Variants in TEAD1 observed in about 807,000 individuals in gnomAD.
TEAD1 encodes the protein TEA domain transcription factor 1, also known as transcriptional enhancer factor TEF-1.
Under a neutral mutation model 54.9 loss-of-function variants are expected in TEAD1, and 9 were observed. The observed-to-expected ratio is 0.16, with a 90% confidence interval of 0.10 to 0.29. The LOEUF (loss-of-function observed/expected upper bound fraction) is 0.29. TEAD1 is among the 10% of genes least tolerant of loss of function. The pLI is 1.00. For synonymous variants in TEAD1, 200 were observed against 187.8 expected, an observed-to-expected ratio of 1.07 and a Z score of -0.53; for missense variants, 387 against 535.9, an observed-to-expected ratio of 0.72 and a Z score of 2.74.
intron 9 of TEAD1, among the ~76,000 whole-genome samples, chr11:12,889,744 C>T (rs1948159696): frequency 6.6e-6 from 1 of 152,032 alleles, no homozygotes; most frequent in Non-Finnish European, 1.5e-5. Flanking sequence ...TTAATTGAGG[C>T]AGGGTCTCAC....
At chr11:12,852,103 G>T (rs1947286354) in intron 3 of TEAD1, among the ~76,000 whole-genome samples, 1 of 152,208 alleles carries the variant, frequency 6.6e-6, no homozygotes, top group African/African-American at 2.4e-5. Flanking sequence ...GAAAGAACAT[G>T]TAAGGATAGG....
intron 3 of TEAD1, among the ~76,000 whole-genome samples, chr11:12,818,500 A>G (rs1590181190): frequency 6.6e-6 from 1 of 152,136 alleles, no homozygotes; most frequent in East Asian, 1.9e-4. Flanking sequence ...TGGTGGTGCT[A>G]ATGGCCCTGA....
At chr11:12,891,384 C>G (rs1948194555) in intron 9 of TEAD1, among the ~76,000 whole-genome samples, 1 of 152,220 alleles carries the variant, frequency 6.6e-6, no homozygotes, top group African/African-American at 2.4e-5. Context: ...TGTTGGCCAG[C>G]TGGTGGCTGA....
At chr11:12,734,285 GAC>G (rs1668019734) in intron 2 of TEAD1, among the ~76,000 whole-genome samples, 1 of 151,954 alleles carries the variant, frequency 6.6e-6, no homozygotes, top group South Asian at 2.1e-4. Context: ...TATAGAAAAA[GAC>G]ATAAAATATT....
chr11:12,845,495 T>G (rs1947128065), intron 3 of TEAD1, among the ~76,000 whole-genome samples: 1 of 152,124 alleles, frequency 6.6e-6, no homozygotes, highest in Admixed American at 6.5e-5. Flanking sequence ...CCTCTTTCAT[T>G]TCCCAGATCC....
intron 3 of TEAD1, among the ~76,000 whole-genome samples, chr11:12,820,638 A>G (rs919155664): frequency 6.6e-6 from 1 of 152,174 alleles, no homozygotes; most frequent in East Asian, 1.9e-4. Context: ...TATACAAAAA[A>G]CGTAGAATAC....
At chr11:12,888,617 T>G (rs1388404217) in intron 9 of TEAD1, among the ~76,000 whole-genome samples, 1 of 152,176 alleles carries the variant, frequency 6.6e-6, no homozygotes, top group African/African-American at 2.4e-5. Flanking sequence ...TTTCTGAAAT[T>G]TACTCGTTGG....
intron 10 of TEAD1, among the ~76,000 whole-genome samples, chr11:12,910,776 T>TCGCTCTGTCTCACAGGCTGGAGTGC (rs1948603194): frequency 7.0e-6 from 1 of 143,818 alleles, no homozygotes; most frequent in East Asian, 2.1e-4. Context: ...AGATGGAGTC[T>TCGCTCTGTCTCACAGGCTGGAGTGC]CGCTCTGTCT....
rs1375420791 is a variant in TEAD1 at position 12,776,390 on chromosome 11, AGTAGAC to A, written c.202+11959_202+11964del. Among the ~76,000 whole-genome samples the A allele has an allele frequency of 1.2e-4, 18 of 152,172 alleles. No homozygotes were observed. The East Asian group carries it at 1.4e-3, about 11-fold the overall frequency. On this transcript the variant is annotated intron_variant, in intron 3 of 12. Transcript: ENST00000527636. ...ATTTTTCGTTCAGCTTGTACATGAG[AGTAGAC>A]GTGGTTTATTCCTAGAGGGTTGGGG...
intron 5 of TEAD1, among the ~76,000 whole-genome samples, chr11:12,872,105 T>C (rs1051403602): frequency 1.3e-5 from 2 of 152,318 alleles, no homozygotes; most frequent in South Asian, 2.1e-4. Context: ...AAAGTTCAAA[T>C]TGTTGATTTA....
intron 2 of TEAD1, among the ~76,000 whole-genome samples, chr11:12,720,519 C>A (rs998508224): frequency 4.6e-5 from 7 of 152,126 alleles, no homozygotes; most frequent in African/African-American, 1.7e-4. Flanking sequence ...ATCAGAACAA[C>A]TCTATGAGGT....
chr11:12,705,129 A>G (rs1590068243), intron 2 of TEAD1, among the ~76,000 whole-genome samples: 1 of 152,176 alleles, frequency 6.6e-6, no homozygotes, highest in Non-Finnish European at 1.5e-5. Context: ...GCTTGGCTGG[A>G]AGGAGGGATG....
chr11:12,927,091 A>C (rs1460772666), intron 11 of TEAD1, among the ~76,000 whole-genome samples: 1 of 152,208 alleles, frequency 6.6e-6, no homozygotes, highest in Non-Finnish European at 1.5e-5. Flanking sequence ...CAGACGATAC[A>C]CCCAAAGCTC....
At chr11:12,928,842 T>G (rs1948953768) in intron 11 of TEAD1, among the ~76,000 whole-genome samples, 1 of 152,220 alleles carries the variant, frequency 6.6e-6, no homozygotes, top group Admixed American at 6.5e-5. Flanking sequence ...TTAACATGTA[T>G]TACCTCACAT....
chr11:12,925,988 G>A (rs1589995997), intron 11 of TEAD1, among the ~76,000 whole-genome samples: 1 of 152,066 alleles, frequency 6.6e-6, no homozygotes, highest in Non-Finnish European at 1.5e-5. Flanking sequence ...CCTTTAAAAA[G>A]ATGTATATTT....
At chr11:12,895,459 T>A (rs1171195866) in intron 9 of TEAD1, among the ~76,000 whole-genome samples, 1 of 152,160 alleles carries the variant, frequency 6.6e-6, no homozygotes, top group African/African-American at 2.4e-5. Flanking sequence ...CAGACAAGCG[T>A]CCCAGCTCCT....
intron 5 of TEAD1, chr11:12,879,357 A>C: frequency 1.9e-6 from 1 of 538,988 alleles, no homozygotes; most frequent in South Asian, 2.1e-5. Flanking sequence ...CAGGGCCTTT[A>C]TTTTTTTTTC....
chr11:12,830,224 AG>A (rs1379756348), intron 3 of TEAD1, among the ~76,000 whole-genome samples: 2 of 152,142 alleles, frequency 1.3e-5, no homozygotes, highest in East Asian at 3.9e-4. Context: ...GGAGTGGGCA[AG>A]ACCATGCCTC....
intron 3 of TEAD1, among the ~76,000 whole-genome samples, chr11:12,794,911 G>A (rs1945883216): frequency 6.6e-6 from 1 of 152,200 alleles, no homozygotes; most frequent in African/African-American, 2.4e-5. Flanking sequence ...AATCCATCCT[G>A]CCCTGAACAG....
Sources: allele counts gnomAD v4.1 joint callset (sites outside exome capture counted in the v4.1 genomes callset), GRCh38; gene constraint gnomAD v4.1.1; transcripts MANE v1.5; gene names NCBI Gene and HGNC (gene_info 2026-07-23, HGNC 2026-07-21).